Variants in OR5AS1 observed in about 807,000 individuals in gnomAD.
OR5AS1 encodes the protein olfactory receptor 5AS1.
For synonymous variants in OR5AS1, 196 were observed against 141.7 expected (o/e 1.38, Z -2.72); for missense variants, 492 against 378.2 (o/e 1.30, Z -2.50).
Position 56,035,973 on chromosome 11 carries a change from G to T in OR5AS1, c.*4580G>T, listed in dbSNP as rs1853400327. 6.6e-6 allele frequency: 1 copy of T among 152,086 alleles called. No homozygotes were observed. Among genetic ancestry groups the T allele is most frequent in the Non-Finnish European group, 1.5e-5 (1 of 68,032 alleles). The allele number at this position is 152,086 out of a possible 1,614,324, so 9.4% of individuals were successfully genotyped here. ...CAATCAAATTAGAACTCAGGATTAA[G>T]AAACTCACTCAAAACCACACATCTA... On this transcript the variant is annotated 3_prime_UTR_variant, in exon 2 of 2. Coordinates refer to ENST00000641320, the MANE Select transcript of OR5AS1 (RefSeq NM_001001921.2).
rs61889977 is a variant in OR5AS1, at chr11:56,031,938, T to C, written c.*545T>C. The C allele has an allele frequency of 0.06, 9,170 of 152,406 alleles. 380 individuals carry two copies. The highest frequency in any genetic ancestry group is 0.084 in the Non-Finnish European group (5,732 of 68,168). 9.4% of individuals were successfully genotyped at this position (152,406 alleles called of 1,614,324 possible). A position where few individuals can be genotyped will look rare whatever the true frequency, so the allele number is the denominator to read the frequency against. ...ATGGAGGGATGGATAGATGGATAGA[T>C]AGATGAATGACTGGGAAAATACAGC... On this transcript the variant is annotated 3_prime_UTR_variant, in exon 2 of 2. Coordinates refer to ENST00000641320, the MANE Select transcript of OR5AS1 (RefSeq NM_001001921.2).
chr11:56,030,339 C>A, intron 1 of OR5AS1, 52 bp from the exon 2 acceptor site: 1 of 777,136 alleles, frequency 1.3e-6, no homozygotes, highest in Non-Finnish European at 1.9e-6. Flanking sequence ...AATAAAGATA[C>A]TTTTGGTTCA....
Position 56,031,132 on chromosome 11 carries a change from C to T in OR5AS1, c.714C>T (p.Phe238=). The change falls in exon 2 of 2, where the codon TTC becomes TTT. Residue 238 remains phenylalanine (F), a synonymous_variant. Coordinates refer to ENST00000641320, the MANE Select transcript of OR5AS1 (RefSeq NM_001001921.2). ...IKSSGGRSKT[F]STCASHLIAV... ...CCTCAGGTGGCAGAAGCAAAACATT[C>T]TCCACTTGTGCTTCCCACCTCATAG... is the stretch of plus-strand genomic sequence containing the variant. The T allele has an allele frequency of 6.2e-7, 1 of 1,614,088 alleles. No individual in the cohort carries two copies. The highest frequency in any genetic ancestry group is 8.5e-7 in the Non-Finnish European group (1 of 1,180,014).
Position 56,032,009 on chromosome 11 carries a change from T to A in OR5AS1, c.*616T>A, listed in dbSNP as rs1853356925. ...AGTCTATATTTGTACTCACAAAGCA[T>A]TTGTCAATAGAGATATTTTATAATA... On this transcript the variant is annotated 3_prime_UTR_variant, in exon 2 of 2. Coordinates refer to ENST00000641320, the MANE Select transcript of OR5AS1 (RefSeq NM_001001921.2). 1 of 152,168 alleles carries A rather than the reference T, an allele frequency of 6.6e-6. No individual in the cohort carries two copies. Among genetic ancestry groups the A allele is most frequent in the African/African-American group, 2.4e-5 (1 of 41,402 alleles). 9.4% of individuals were successfully genotyped at this position (152,168 alleles called of 1,614,324 possible).
At position 56,033,313 on chromosome 11, in the gene OR5AS1, A is replaced by AG. The variant is rs1332165150; in HGVS notation, c.*1921dup. The stretch of plus-strand genomic sequence containing the variant: ...CCTGGAAAGGGGGCTGAAGCCAGGG[A>AG]GCCAAGTGGTCTAGCTCAGCAGATC... On this transcript the variant is annotated 3_prime_UTR_variant, in exon 2 of 2. Transcript: ENST00000641320. The AG allele has an allele frequency of 2.6e-5, 4 of 154,368 alleles. No homozygotes were observed. In the Admixed American group the frequency reaches 2.6e-4, roughly 10 times the overall value. The allele number at this position is 154,368 out of a possible 1,614,324, so 9.6% of individuals were successfully genotyped here.
At position 56,036,317 on chromosome 11, in the gene OR5AS1, C is replaced by G. The variant is rs1266642210; in HGVS notation, c.*4924C>G. 1 of 151,874 alleles carries G rather than the reference C, an allele frequency of 6.6e-6. No individual in the cohort carries two copies. The allele number at this position is 151,874 out of a possible 1,614,324, so 9.4% of individuals were successfully genotyped here. On this transcript the variant is annotated 3_prime_UTR_variant, in exon 2 of 2. Coordinates refer to ENST00000641320, the MANE Select transcript of OR5AS1 (RefSeq NM_001001921.2). Reference sequence around the variant, plus strand: ...TGAAGGAGATAGAGACATGAAAAACCCTTCAAAAAATCAATGAATCCAGGA... The same window carrying G: ...TGAAGGAGATAGAGACATGAAAAACGCTTCAAAAAATCAATGAATCCAGGA...
intron 1 of OR5AS1, among the ~76,000 whole-genome samples, chr11:56,029,523 G>A (rs2134690259): frequency 8.3e-6 from 1 of 120,186 alleles, no homozygotes; most frequent in South Asian, 2.4e-4. Context: ...CAATACATTT[G>A]TATATAGCAC....
At position 56,031,444 on chromosome 11, in the gene OR5AS1, G is replaced by T; in HGVS notation, c.*51G>T. 7.9e-7 allele frequency: 1 copy of T among 1,268,630 alleles called. No individual in the cohort carries two copies. 78.6% of individuals were successfully genotyped at this position (1,268,630 alleles called of 1,614,324 possible). ...CAATTATGCCATGAACATCTTATGT[G>T]TTAACTATTTTAAATTTATCACATT... On this transcript the variant is annotated 3_prime_UTR_variant, in exon 2 of 2. Transcript: ENST00000641320.
In OR5AS1 at chr11:56,036,633, G is replaced by C. The variant is rs2134701630; in HGVS notation, c.*5240G>C. On this transcript the variant is annotated 3_prime_UTR_variant, in exon 2 of 2. Transcript: ENST00000641320. ...AAAAACAAGTCCCAAAATTGAGGCA[G>C]TAATTAATAGCCTACCAACAAAAAA... is the stretch of plus-strand genomic sequence containing the variant. 1 of 152,176 alleles carries C rather than the reference G, an allele frequency of 6.6e-6. No individual in the cohort carries two copies. The highest frequency in any genetic ancestry group is 1.9e-4 in the East Asian group (1 of 5,174). 9.4% of individuals were successfully genotyped at this position (152,176 alleles called of 1,614,324 possible).
chr11:56,029,551 C>G lies in OR5AS1; in HGVS notation c.-28-840C>G, dbSNP rs559514650. Among the ~76,000 whole-genome samples, 5 of 150,582 alleles carry G rather than the reference C, an allele frequency of 3.3e-5. No individual in the cohort carries two copies. The South Asian group carries it at 1.0e-3, about 31-fold the overall frequency. On this transcript the variant is annotated intron_variant, in intron 1 of 1. Coordinates refer to ENST00000641320, the MANE Select transcript of OR5AS1 (RefSeq NM_001001921.2). Reference sequence around the variant, plus strand: ...TATAGCACACACACACACACACACACGACTTATTTTTACAACAGAAAACAA... The same window carrying G: ...TATAGCACACACACACACACACACAGGACTTATTTTTACAACAGAAAACAA...
rs536139251 is a variant in OR5AS1, at chr11:56,034,259, G to A, written c.*2866G>A. The A allele has an allele frequency of 3.5e-4, 53 of 152,188 alleles. No homozygotes were observed. The highest frequency in any genetic ancestry group is 1.3e-3 in the African/African-American group (52 of 41,490). 9.4% of individuals were successfully genotyped at this position (152,188 alleles called of 1,614,324 possible). ...GGACAGAGAATGAGTTTGATGAATT[G>A]ATGGAAGTAATTGGGTAATAACAAA... On this transcript the variant is annotated 3_prime_UTR_variant, in exon 2 of 2. Transcript: ENST00000641320.
rs925008967 is a variant in OR5AS1, at chr11:56,031,579, A to G, written c.*186A>G. On this transcript the variant is annotated 3_prime_UTR_variant, in exon 2 of 2. Transcript: ENST00000641320. ...TCTATAAAACATTACCTAATTAAAC[A>G]TAGTCATTATTTATATCCAATTAGT... 2.2e-6 allele frequency: 1 copy of G among 460,154 alleles called. No individual in the cohort carries two copies. Among genetic ancestry groups the G allele is most frequent in the South Asian group, 3.8e-5 (1 of 26,282 alleles). The allele number at this position is 460,154 out of a possible 1,614,324, so 28.5% of individuals were successfully genotyped here.
chr11:56,028,014 G>T (rs1383641019), intron 1 of OR5AS1, among the ~76,000 whole-genome samples: 1 of 151,996 alleles, frequency 6.6e-6, no homozygotes, highest in Non-Finnish European at 1.5e-5. Flanking sequence ...AAAAACAATG[G>T]TGTAATAATT....
intron 1 of OR5AS1, among the ~76,000 whole-genome samples, chr11:56,029,475 C>A (rs1853326043): frequency 1.3e-5 from 2 of 151,298 alleles, no homozygotes; most frequent in Admixed American, 1.3e-4. Context: ...AAGAAAGCAA[C>A]AATGATAGGG....
At position 56,027,719 on chromosome 11, in the gene OR5AS1, GA is replaced by G. The variant is rs2134687928; in HGVS notation, c.-29+8del. On this transcript the variant is annotated splice_region_variant and intron_variant, in intron 1 of 1. Transcript: ENST00000641320. ...AGTTCTTGATGGTGCTGAGGTAAGTGATTTTTTCCCTAAAGCATTAACAAAA... is the reference window on the plus strand; with the variant it reads ...AGTTCTTGATGGTGCTGAGGTAAGTGTTTTTTCCCTAAAGCATTAACAAAA... 1 of 152,080 alleles carries G rather than the reference GA, an allele frequency of 6.6e-6. No individual in the cohort carries two copies. The highest frequency in any genetic ancestry group is 1.9e-4 in the East Asian group (1 of 5,180). The allele number at this position is 152,080 out of a possible 1,614,324, so 9.4% of individuals were successfully genotyped here.
At position 56,037,303 on chromosome 11, in the gene OR5AS1, G is replaced by A. The variant is rs1465457783; in HGVS notation, c.*5910G>A. 1 of 152,078 alleles carries A rather than the reference G, an allele frequency of 6.6e-6. No homozygotes were observed. Among genetic ancestry groups the A allele is most frequent in the East Asian group, 1.9e-4 (1 of 5,198 alleles). 9.4% of individuals were successfully genotyped at this position (152,078 alleles called of 1,614,324 possible). A position where few individuals can be genotyped will look rare whatever the true frequency, so the allele number is the denominator to read the frequency against. On this transcript the variant is annotated 3_prime_UTR_variant, in exon 2 of 2. Coordinates refer to ENST00000641320, the MANE Select transcript of OR5AS1 (RefSeq NM_001001921.2). ...TAAAGAAATAAAGGATATTCAAATA[G>A]GAAAAGAGGAAGTCAAATCGTCTCT...
At chr11:56,028,715 G>T (rs1325634796) in intron 1 of OR5AS1, among the ~76,000 whole-genome samples, 3 of 151,966 alleles carry the variant, frequency 2.0e-5, no homozygotes, top group Non-Finnish European at 4.4e-5. Flanking sequence ...AAATCGTTTT[G>T]TAGTTGTCAT....
In OR5AS1 at chr11:56,030,931, C is replaced by G. The variant is rs1853342655; in HGVS notation, c.513C>G (p.Ser171=). The change falls in exon 2 of 2, where the codon TCC becomes TCG. Residue 171 remains serine (S), a synonymous_variant. Transcript: ENST00000641320. The part of the protein sequence containing the change: ...CLTFRLSFCG[S]NIVNHFFCDI... Reference sequence around the variant, plus strand: ...CATTCAGGCTGTCATTTTGTGGCTCCAATATCGTCAATCATTTTTTCTGTG... The same window carrying G: ...CATTCAGGCTGTCATTTTGTGGCTCGAATATCGTCAATCATTTTTTCTGTG... 6.2e-7 allele frequency: 1 copy of G among 1,614,018 alleles called. No individual in the cohort carries two copies. Among genetic ancestry groups the G allele is most frequent in the South Asian group, 1.1e-5 (1 of 91,092 alleles).
At position 56,031,319 on chromosome 11, in the gene OR5AS1, C is replaced by T. The variant is rs762814170; in HGVS notation, c.901C>T (p.Leu301Phe). The T allele has an allele frequency of 1.3e-6, 2 of 1,598,212 alleles. No homozygotes were observed. The highest frequency in any genetic ancestry group is 1.7e-5 in the Admixed American group (1 of 58,476). Residue 301 changes from leucine (L) to phenylalanine (F), a missense_variant, in exon 2 of 2, where the codon CTC becomes TTC. Leu to Phe is a conservative substitution (Grantham distance 22). Coordinates refer to ENST00000641320, the MANE Select transcript of OR5AS1 (RefSeq NM_001001921.2). ...SFRNKDVKNA[L>F]KKLLERIGYS... Reference sequence around the variant, plus strand: ...CAGAAACAAGGATGTGAAAAATGCTCTCAAAAAGCTATTAGAAAGAATTGG... The same window carrying T: ...CAGAAACAAGGATGTGAAAAATGCTTTCAAAAAGCTATTAGAAAGAATTGG...
Sources: gnomAD v4.1 joint callset for allele counts (sites outside exome capture counted in the v4.1 genomes callset) on GRCh38, gnomAD v4.1.1 for gene constraint, MANE v1.5 for transcripts, NCBI Gene and HGNC (gene_info 2026-07-23, HGNC 2026-07-21) for gene names.